Variants in SOS1 observed in about 807,000 individuals in gnomAD.
SOS1 encodes son of sevenless homolog 1.
A neutral mutation model predicts 157.6 loss-of-function variants in SOS1; 25 were observed. The observed-to-expected ratio is 0.16, with a 90% CI of 0.12 to 0.22. The LOEUF is 0.22. Among genes scored for constraint, SOS1 ranks in the 10% least tolerant of loss-of-function variants. SOS1 has a pLI of 1.00. For missense variants in SOS1, 1,237 were observed against 1,599.1 expected, an observed-to-expected ratio of 0.77 and a Z score of 3.86; for synonymous variants, 528 against 534.0, an observed-to-expected ratio of 0.99 and a Z score of 0.16.
At chr2:39,114,533 C>G (rs1284643138) in intron 1 of SOS1, among the ~76,000 whole-genome samples, 1 of 152,064 alleles carries the variant, frequency 6.6e-6, no homozygotes, top group Non-Finnish European at 1.5e-5. Context: ...GAACTCCTGA[C>G]CTCAGGTGAT....
intron 17 of SOS1, among the ~76,000 whole-genome samples, chr2:38,998,137 C>T (rs147674741): frequency 6.6e-6 from 1 of 152,294 alleles, no homozygotes; most frequent in South Asian, 2.1e-4. Flanking sequence ...CAGCTGTACA[C>T]TGGACGAGGA....
At chr2:39,032,632 G>C (rs995450170) in intron 8 of SOS1, among the ~76,000 whole-genome samples, 3 of 152,106 alleles carry the variant, frequency 2.0e-5, no homozygotes, top group African/African-American at 7.2e-5. Flanking sequence ...CAATAAAAAT[G>C]GAACAAGTTC....
chr2:39,050,490 A>C (rs1670969599), intron 6 of SOS1, among the ~76,000 whole-genome samples: 1 of 152,190 alleles, frequency 6.6e-6, no homozygotes, highest in African/African-American at 2.4e-5. Context: ...AAATCCTGAG[A>C]TTACAGATTG....
chr2:39,066,348 A>T (rs1572866484), intron 2 of SOS1, among the ~76,000 whole-genome samples: 1 of 152,214 alleles, frequency 6.6e-6, no homozygotes. Flanking sequence ...GCAAAAGCAA[A>T]GTCACAGAAA....
chr2:39,062,837 C>CA (rs993020991), intron 2 of SOS1, among the ~76,000 whole-genome samples: 245 of 151,810 alleles, frequency 1.6e-3, no homozygotes, highest in African/African-American at 5.7e-3. Flanking sequence ...TCTATTTTTT[C>CA]AAAGTTTAAA....
chr2:38,998,505 C>T (rs557184431), intron 17 of SOS1, among the ~76,000 whole-genome samples: 5 of 152,294 alleles, frequency 3.3e-5, no homozygotes, highest in Admixed American at 3.3e-4. Flanking sequence ...CCCACCTTGG[C>T]CTCCCAAAGT....
rs1165002935 is a variant in SOS1 at position 39,017,601 on chromosome 2, A to G, written c.1859-2755T>C. ...TTAAGAGTAGTCTTGCCAAAAAGAC[A>G]AAAGCAGCAGAAACTAAAAACAAAC... On this transcript the variant is annotated intron_variant, in intron 10 of 22. Coordinates refer to ENST00000402219, the MANE Select transcript of SOS1 (RefSeq NM_005633.4). Among the ~76,000 whole-genome samples the G allele has an allele frequency of 2.6e-5, 4 of 152,038 alleles. No homozygotes were observed. The East Asian group carries it at 7.7e-4, about 29-fold the overall frequency.
At chr2:39,099,764 G>A (rs1056915845) in intron 1 of SOS1, among the ~76,000 whole-genome samples, 3 of 152,140 alleles carry the variant, frequency 2.0e-5, no homozygotes, top group Non-Finnish European at 4.4e-5. Context: ...TTTGGAGACA[G>A]AGTCTCACTC....
At chr2:39,056,348 C>T (rs900898587) in intron 4 of SOS1, among the ~76,000 whole-genome samples, 6 of 151,884 alleles carry the variant, frequency 4.0e-5, no homozygotes, top group African/African-American at 1.5e-4. Context: ...ATCCAGGAGG[C>T]GGAGGTTGCA....
chr2:39,099,702 A>G (rs1170211236), intron 1 of SOS1, among the ~76,000 whole-genome samples: 6 of 152,216 alleles, frequency 3.9e-5, no homozygotes, highest in African/African-American at 1.4e-4. Context: ...ATCAAAAGGC[A>G]CCCTACAGAC....
At chr2:39,018,552 A>G (rs886837767) in intron 10 of SOS1, among the ~76,000 whole-genome samples, 1 of 151,944 alleles carries the variant, frequency 6.6e-6, no homozygotes, top group Admixed American at 6.6e-5. Flanking sequence ...TTACTGCACA[A>G]TACTTCAAAA....
At chr2:39,018,141 G>C (rs973763642) in intron 10 of SOS1, among the ~76,000 whole-genome samples, 1 of 151,796 alleles carries the variant, frequency 6.6e-6, no homozygotes, top group African/African-American at 2.4e-5. Context: ...GTCTGGGTTT[G>C]GCTTTATAAC....
At chr2:39,088,519 C>T (rs1672463002) in intron 1 of SOS1, among the ~76,000 whole-genome samples, 2 of 152,224 alleles carry the variant, frequency 1.3e-5, no homozygotes, top group South Asian at 4.1e-4. Context: ...AACTACCATT[C>T]TACTTTCTGT....
At chr2:39,071,761 C>T (rs1194987644) in intron 1 of SOS1, among the ~76,000 whole-genome samples, 2 of 152,198 alleles carry the variant, frequency 1.3e-5, no homozygotes, top group South Asian at 2.1e-4. Flanking sequence ...ACTAATATAG[C>T]TCCATTTCCA....
chr2:39,118,371 G>A (rs983338033), intron 1 of SOS1, among the ~76,000 whole-genome samples: 1 of 152,180 alleles, frequency 6.6e-6, no homozygotes, highest in Non-Finnish European at 1.5e-5. Flanking sequence ...AAGTAAAAAC[G>A]TAGGTTTTGA....
intron 1 of SOS1, among the ~76,000 whole-genome samples, chr2:39,111,323 T>G (rs1274714444): frequency 6.6e-6 from 1 of 152,182 alleles, no homozygotes; most frequent in Non-Finnish European, 1.5e-5. Context: ...TAATAAAATG[T>G]TAATTATAAA....
At chr2:39,050,427 T>C (rs1048046705) in intron 6 of SOS1, among the ~76,000 whole-genome samples, 1 of 152,210 alleles carries the variant, frequency 6.6e-6, no homozygotes, top group Non-Finnish European at 1.5e-5. Context: ...GTAAGCTTAC[T>C]ATGTGAAGGT....
intron 1 of SOS1, among the ~76,000 whole-genome samples, chr2:39,100,324 T>A (rs1238813110): frequency 6.6e-6 from 1 of 152,128 alleles, no homozygotes; most frequent in East Asian, 1.9e-4. Context: ...TCAAAGGAAA[T>A]GAAATCAGCA....
At chr2:38,986,371 G>C (rs1249545202) in intron 22 of SOS1, 56 bp from the exon 23 acceptor site, 1 of 1,475,448 alleles carries the variant, frequency 6.8e-7, no homozygotes, top group Non-Finnish European at 9.2e-7. Flanking sequence ...GAAGTATCAT[G>C]ACTATAAGAA....
Sources: allele counts gnomAD v4.1 joint callset (sites outside exome capture counted in the v4.1 genomes callset), GRCh38; gene constraint gnomAD v4.1.1; transcripts MANE v1.5; gene names NCBI Gene and HGNC (gene_info 2026-07-23, HGNC 2026-07-21).